STC1: variants seen among roughly 807,000 people sequenced by gnomAD.
STC1 encodes the protein stanniocalcin 1.
A neutral mutation model predicts 22.6 loss-of-function variants in STC1; 7 were observed. The ratio of observed to expected loss-of-function variants is 0.31; its 90% CI spans 0.18 to 0.58. STC1 has a LOEUF of 0.58. STC1 is among the 20% of genes least tolerant of loss of function. The probability of loss-of-function intolerance (pLI) is 0.89; values close to 1 mark genes in which losing one functional copy is unlikely to be tolerated. For missense variants in STC1, 224 were observed against 311.0 expected, an observed-to-expected ratio of 0.72 and a Z score of 2.10; for synonymous variants, 113 against 120.7, an observed-to-expected ratio of 0.94 and a Z score of 0.42.
intron 3 of STC1, among the ~76,000 whole-genome samples, chr8:23,850,322 C>A (rs1294674299): frequency 6.6e-6 from 1 of 152,090 alleles, no homozygotes; most frequent in African/African-American, 2.4e-5. Context: ...GAGTAACATG[C>A]AAAGCACTGA....
Position 23,851,488 on chromosome 8 carries a change from C to T in STC1, c.305G>A (p.Gly102Glu). 6.2e-7 allele frequency: 1 copy of T among 1,614,124 alleles called. No individual in the cohort carries two copies. The highest frequency in any genetic ancestry group is 8.5e-7 in the Non-Finnish European group (1 of 1,180,018). Residue 102 changes from glycine to glutamate, a missense_variant, in exon 3 of 4, where the codon GGG becomes GAG. Coordinates refer to ENST00000290271, the MANE Select transcript of STC1 (RefSeq NM_003155.3). The stretch of plus-strand genomic sequence containing the variant: ...GGCGAGGAAGACCTTGGAGGTGACC[C>T]CGTTGGCGATGCATTTTAAGCTCTC... ...VKESLKCIAN[G>E]VTSKVFLAIR...
chr8:23,844,326 C>T lies in STC1; in HGVS notation c.*444G>A, dbSNP rs1026606363. The stretch of plus-strand genomic sequence containing the variant: ...CCATGGCCAGCACAGATTCATAACA[C>T]GAATTCCATTTAACATCTTTATGAG... On this transcript the variant is annotated 3_prime_UTR_variant, in exon 4 of 4. Coordinates refer to ENST00000290271, the MANE Select transcript of STC1 (RefSeq NM_003155.3). The T allele has an allele frequency of 6.0e-5, 11 of 182,888 alleles. No homozygotes were observed. Among genetic ancestry groups the T allele is most frequent in the Non-Finnish European group, 9.4e-5 (8 of 84,718 alleles). 11.3% of individuals were successfully genotyped at this position (182,888 alleles called of 1,614,324 possible). A position where few individuals can be genotyped will look rare whatever the true frequency, so the allele number is the denominator to read the frequency against.
chr8:23,853,854 G>A (rs909607589), intron 1 of STC1, among the ~76,000 whole-genome samples: 4 of 152,166 alleles, frequency 2.6e-5, no homozygotes, highest in African/African-American at 4.8e-5. Context: ...AGGCAGCAGG[G>A]TTGGGGGTGG....
Position 23,851,467 on chromosome 8 carries a change from A to G in STC1, c.326T>C (p.Leu109Pro). The G allele has an allele frequency of 6.2e-7, 1 of 1,614,168 alleles. No homozygotes were observed. ...GAAAGTGGAGCACCTCCGAATGGCG[A>G]GGAAGACCTTGGAGGTGACCCCGTT... ...IANGVTSKVF[L>P]AIRRCSTFQR... is the part of the protein sequence containing the mutation. The change falls in exon 3 of 4, where the codon CTC becomes CCC. Residue 109 changes from leucine to proline, a missense_variant. Leu to Pro is a moderately conservative substitution (Grantham distance 98). Transcript: ENST00000290271.
chr8:23,847,006 C>T (rs972274640), intron 3 of STC1, among the ~76,000 whole-genome samples: 18 of 152,156 alleles, frequency 1.2e-4, no homozygotes, highest in Admixed American at 2.6e-4. Flanking sequence ...GTGATTAGAT[C>T]CTGGTGGGTG....
Position 23,844,538 on chromosome 8 carries a change from C to G in STC1, c.*232G>C. ...GGAAGTTGGTAAAAGAGGGTACTTTCTCCTGAGGAGAGGCAGAATGGTCAC... is the reference window on the plus strand; with the variant it reads ...GGAAGTTGGTAAAAGAGGGTACTTTGTCCTGAGGAGAGGCAGAATGGTCAC... On this transcript the variant is annotated 3_prime_UTR_variant, in exon 4 of 4. Coordinates refer to ENST00000290271, the MANE Select transcript of STC1 (RefSeq NM_003155.3). 3.5e-6 allele frequency: 2 copies of G among 569,634 alleles called. No individual in the cohort carries two copies. Among genetic ancestry groups the G allele is most frequent in the Non-Finnish European group, 6.2e-6 (2 of 324,878 alleles). 35.3% of individuals were successfully genotyped at this position (569,634 alleles called of 1,614,324 possible).
In STC1 at chr8:23,843,744, A is replaced by G. The variant is rs1802540801; in HGVS notation, c.*1026T>C. 6.6e-6 allele frequency: 1 copy of G among 152,620 alleles called. No individual in the cohort carries two copies. The highest frequency in any genetic ancestry group is 1.5e-5 in the Non-Finnish European group (1 of 68,042). The allele number at this position is 152,620 out of a possible 1,614,324, so 9.5% of individuals were successfully genotyped here. On this transcript the variant is annotated 3_prime_UTR_variant, in exon 4 of 4. Transcript: ENST00000290271. ...GGTTGAGGTGGGCTGGGAGATTAACATCTTACCTGGGGTCCTTCAGATAAA... is the reference window on the plus strand; with the variant it reads ...GGTTGAGGTGGGCTGGGAGATTAACGTCTTACCTGGGGTCCTTCAGATAAA...
chr8:23,846,978 CTG>C (rs1802580830), intron 3 of STC1, among the ~76,000 whole-genome samples: 1 of 152,278 alleles, frequency 6.6e-6, no homozygotes, highest in Non-Finnish European at 1.5e-5. Context: ...CTTTGGATGG[CTG>C]TGTCTATTTC....
chr8:23,846,645 C>A (rs1481644502), intron 3 of STC1, among the ~76,000 whole-genome samples: 1 of 152,110 alleles, frequency 6.6e-6, no homozygotes, highest in Non-Finnish European at 1.5e-5. Flanking sequence ...TTCTGTGGCA[C>A]AGCAGAAGGA....
chr8:23,849,839 C>T (rs1436644903), intron 3 of STC1, among the ~76,000 whole-genome samples: 1 of 152,074 alleles, frequency 6.6e-6, no homozygotes, highest in Non-Finnish European at 1.5e-5. Context: ...TTCTTCATTT[C>T]TTTTCCTAAT....
chr8:23,851,211 A>T, intron 3 of STC1, 109 bp downstream of exon 3: 1 of 1,062,346 alleles, frequency 9.4e-7, no homozygotes, highest in Non-Finnish European at 1.4e-6. Context: ...ACTGCAAGCT[A>T]AAATAAGAGC....
At position 23,851,524 on chromosome 8, in the gene STC1, G is replaced by A; in HGVS notation, c.269C>T (p.Ala90Val). Residue 90 changes from alanine to valine, a missense_variant, in exon 3 of 4, where the codon GCA (alanine) becomes GTA (valine). Coordinates refer to ENST00000290271, the MANE Select transcript of STC1 (RefSeq NM_003155.3). ...GCATTTTAAGCTCTCTTTGACGAAT[G>A]CTTTTCCCTGCCATGGAGGAAGGAC... is the stretch of plus-strand genomic sequence containing the variant. ...SAAKFDTQGKAFVKESLKCIA... is the reference protein window; with the variant it reads ...SAAKFDTQGKVFVKESLKCIA... 1.2e-6 allele frequency: 2 copies of A among 1,614,084 alleles called. No individual in the cohort carries two copies. Among genetic ancestry groups the A allele is most frequent in the Non-Finnish European group, 8.5e-7 (1 of 1,180,000 alleles).
In STC1 at chr8:23,842,272, C is replaced by G. The variant is rs1802519861; in HGVS notation, c.*2498G>C. The G allele has an allele frequency of 6.6e-6, 1 of 152,212 alleles. No homozygotes were observed. 9.4% of individuals were successfully genotyped at this position (152,212 alleles called of 1,614,324 possible). A position where few individuals can be genotyped will look rare whatever the true frequency, so the allele number is the denominator to read the frequency against. On this transcript the variant is annotated 3_prime_UTR_variant, in exon 4 of 4. Coordinates refer to ENST00000290271, the MANE Select transcript of STC1 (RefSeq NM_003155.3). ...AATCATGCAAACTGGTCTAGGTCAGCCCCCGAATCACTCTGCAGCAAACAC... is the reference window on the plus strand; with the variant it reads ...AATCATGCAAACTGGTCTAGGTCAGGCCCCGAATCACTCTGCAGCAAACAC...
intron 1 of STC1, among the ~76,000 whole-genome samples, chr8:23,852,623 C>T (rs527422348): frequency 7.9e-5 from 12 of 152,122 alleles, no homozygotes; most frequent in Non-Finnish European, 1.2e-4. Context: ...TTCAGACACA[C>T]GCTCCCTGTT....
chr8:23,853,559 A>T (rs1307812890), intron 1 of STC1, among the ~76,000 whole-genome samples: 2 of 152,182 alleles, frequency 1.3e-5, no homozygotes, highest in Admixed American at 1.3e-4. Context: ...GACACCTGTG[A>T]TCCGGTCTTT....
chr8:23,846,374 C>T (rs1802573190), intron 3 of STC1, among the ~76,000 whole-genome samples: 1 of 152,100 alleles, frequency 6.6e-6, no homozygotes, highest in Admixed American at 6.6e-5. Flanking sequence ...TTGTCAAAAC[C>T]CATTACCTCT....
In STC1 at chr8:23,842,331, G is replaced by A. The variant is rs1045846484; in HGVS notation, c.*2439C>T. 3.9e-5 allele frequency: 6 copies of A among 152,312 alleles called. No individual in the cohort carries two copies. The highest frequency in any genetic ancestry group is 1.5e-4 in the African/African-American group (6 of 41,328). The allele number at this position is 152,312 out of a possible 1,614,324, so 9.4% of individuals were successfully genotyped here. On this transcript the variant is annotated 3_prime_UTR_variant, in exon 4 of 4. Coordinates refer to ENST00000290271, the MANE Select transcript of STC1 (RefSeq NM_003155.3). ...GCTTTGGAAGTTTAAGGGGGAATTGGAGGGAGTAGGGTGGGGGAAAGAGAA... is the reference window on the plus strand; with the variant it reads ...GCTTTGGAAGTTTAAGGGGGAATTGAAGGGAGTAGGGTGGGGGAAAGAGAA...
chr8:23,852,487 A>T, intron 1 of STC1, 103 bp from the exon 2 acceptor site: 2 of 1,302,836 alleles, frequency 1.5e-6, no homozygotes, highest in Non-Finnish European at 2.1e-6. Flanking sequence ...GGTCAGAAGA[A>T]CTTATCCTAG....
intron 1 of STC1, chr8:23,854,066 G>C: frequency 8.9e-7 from 1 of 1,124,190 alleles, no homozygotes; most frequent in Non-Finnish European, 1.1e-6. Flanking sequence ...CTTCTGGAAA[G>C]TATAGAGAGC....
Sources: allele counts gnomAD v4.1 joint callset (sites outside exome capture counted in the v4.1 genomes callset), GRCh38; gene constraint gnomAD v4.1.1; transcripts MANE v1.5; gene names NCBI Gene and HGNC (gene_info 2026-07-23, HGNC 2026-07-21).